The following CDC37L1 variants were observed in gnomAD, a reference collection of about 807,000 sequenced individuals.
CDC37L1 encodes hsp90 co-chaperone Cdc37-like 1.
A neutral mutation model predicts 45.9 loss-of-function variants in CDC37L1; 32 were observed. The observed-to-expected ratio is 0.70, with a 90% confidence interval of 0.53 to 0.94. The LOEUF (loss-of-function observed/expected upper bound fraction) is 0.94. Ranked by LOEUF, CDC37L1 falls within the 40% of genes least tolerant of loss-of-function variation. The pLI is 0.00. For synonymous variants in CDC37L1, 150 were observed against 133.0 expected, an observed-to-expected ratio of 1.13 and a Z score of -0.88; for missense variants, 434 against 405.7, an observed-to-expected ratio of 1.07 and a Z score of -0.60.
intron 3 of CDC37L1, 53 bp downstream of exon 3, chr9:4,688,659 A>C (rs1431757269): frequency 8.7e-7 from 1 of 1,147,930 alleles, no homozygotes; most frequent in Non-Finnish European, 1.2e-6. Flanking sequence ...TCATATGTAC[A>C]TGTGCAAAAA....
chr9:4,679,979 T>C, intron 1 of CDC37L1, 80 bp downstream of exon 1: 1 of 1,543,158 alleles, frequency 6.5e-7, no homozygotes, highest in South Asian at 1.2e-5. Flanking sequence ...TCCCAGACCC[T>C]CTTCTACGCC....
Position 4,688,551 on chromosome 9 carries a change from TGAA to T in CDC37L1, c.456_458del (p.Glu152del). On this transcript the variant is annotated inframe_deletion, in exon 3 of 7. Coordinates refer to ENST00000381854, the MANE Select transcript of CDC37L1 (RefSeq NM_017913.4). The stretch of plus-strand genomic sequence containing the variant: ...AAGATAAAAGAAAAGACACAGAAGA[TGAA>T]GATAAATCAGAATCATTTATGCAAA... 3.3e-6 allele frequency: 5 copies of T among 1,531,392 alleles called. No homozygotes were observed. The Admixed American group carries it at 6.3e-5, about 19-fold the overall frequency. 94.9% of individuals were successfully genotyped at this position (1,531,392 alleles called of 1,614,324 possible).
chr9:4,688,702 G>C (rs1841273699), intron 3 of CDC37L1, 96 bp downstream of exon 3: 2 of 774,538 alleles, frequency 2.6e-6, no homozygotes, highest in Non-Finnish European at 3.9e-6. Context: ...AAAAAGAAAA[G>C]TGGCAAACTC....
intron 3 of CDC37L1, among the ~76,000 whole-genome samples, chr9:4,696,805 G>A (rs1489108049): frequency 6.6e-6 from 1 of 152,206 alleles, no homozygotes; most frequent in Non-Finnish European, 1.5e-5. Context: ...ATTCATGGAT[G>A]TAGGACTTTT....
chr9:4,694,474 G>A (rs899099561), intron 3 of CDC37L1, among the ~76,000 whole-genome samples: 9 of 152,092 alleles, frequency 5.9e-5, no homozygotes, highest in Non-Finnish European at 1.3e-4. Flanking sequence ...CTAATTCAAT[G>A]TGCATTTTTG....
At position 4,701,921 on chromosome 9, in the gene CDC37L1, A is replaced by G; in HGVS notation, c.805A>G (p.Arg269Gly). The G allele has an allele frequency of 1.2e-6, 2 of 1,604,768 alleles. No homozygotes were observed. The highest frequency in any genetic ancestry group is 8.5e-7 in the Non-Finnish European group (1 of 1,176,170). Reference sequence around the variant, plus strand: ...AAATGAACTTGAAGCTTTCAAGTCAAGAGTAAGACTTTATTCTCAATCACA... The same window carrying G: ...AAATGAACTTGAAGCTTTCAAGTCAGGAGTAAGACTTTATTCTCAATCACA... ...FKNELEAFKS[R>G]VRLYSQSQSF... The change falls in exon 6 of 7, where the codon AGA becomes GGA. Residue 269 changes from arginine to glycine, a missense_variant. By Grantham distance (125) the Arg-to-Gly change is moderately radical (BLOSUM62 -2). Transcript: ENST00000381854.
At chr9:4,700,655 T>A (rs975919785) in intron 5 of CDC37L1, among the ~76,000 whole-genome samples, 9 of 152,348 alleles carry the variant, frequency 5.9e-5, no homozygotes, top group African/African-American at 2.2e-4. Flanking sequence ...ATACTTTTTT[T>A]TAAATTATGA....
chr9:4,702,888 CAA>C (rs397829063), intron 6 of CDC37L1, among the ~76,000 whole-genome samples: 29 of 42,956 alleles, frequency 6.8e-4, no homozygotes, highest in Non-Finnish European at 8.6e-4. Context: ...GACTCCGTCT[CAA>C]AAAAAAAAAA....
intron 2 of CDC37L1, 41 bp downstream of exon 2, chr9:4,685,199 G>T: frequency 1.3e-6 from 2 of 1,502,428 alleles, no homozygotes; most frequent in South Asian, 2.3e-5. Flanking sequence ...AAGAAAAACT[G>T]AAGTGTTTGT....
At chr9:4,705,105 C>A (rs1841430378) in intron 6 of CDC37L1, among the ~76,000 whole-genome samples, 1 of 152,086 alleles carries the variant, frequency 6.6e-6, no homozygotes, top group East Asian at 1.9e-4. Flanking sequence ...TTTAGAAAAC[C>A]CTGCCTCCCA....
At position 4,695,859 on chromosome 9, in the gene CDC37L1, C is replaced by T. The variant is rs922207838; in HGVS notation, c.509-1237C>T. On this transcript the variant is annotated intron_variant, in intron 3 of 6. Coordinates refer to ENST00000381854, the MANE Select transcript of CDC37L1 (RefSeq NM_017913.4). ...AGGCTGGAGTGCTGTGGTGCAATCT[C>T]GGCTCGCTGCAACCTCCGCCTCCTG... Among the ~76,000 whole-genome samples, 9 of 152,292 alleles carry T rather than the reference C, an allele frequency of 5.9e-5. No homozygotes were observed. In the South Asian group the frequency reaches 6.2e-4, roughly 11 times the overall value.
At chr9:4,685,416 T>C (rs1436501093) in intron 2 of CDC37L1, 1 of 311,322 alleles carries the variant, frequency 3.2e-6, no homozygotes, top group Non-Finnish European at 6.0e-6. Flanking sequence ...ATATTACATA[T>C]ATTAAAAAAC....
At chr9:4,697,070 T>G in intron 3 of CDC37L1, 26 bp from the exon 4 acceptor site, 1 of 970,596 alleles carries the variant, frequency 1.0e-6, no homozygotes, top group Non-Finnish European at 1.6e-6. Context: ...TATTTGACAC[T>G]TATGGTTCAA....
At chr9:4,685,511 G>T in intron 2 of CDC37L1, 1 of 171,978 alleles carries the variant, frequency 5.8e-6, no homozygotes, top group Admixed American at 5.6e-5. Context: ...CCCCTACACT[G>T]ATTATCACTA....
At chr9:4,694,241 G>A (rs181840731) in intron 3 of CDC37L1, among the ~76,000 whole-genome samples, 7 of 152,202 alleles carry the variant, frequency 4.6e-5, no homozygotes, top group Admixed American at 3.3e-4. Context: ...CGCCATGCCT[G>A]GCTAATTATC....
chr9:4,697,866 T>C lies in CDC37L1; in HGVS notation c.734T>C (p.Phe245Ser). ...VDPRGCFRLF[F>S]QKAKAEEEGY... ...CCAAGAGGGTGTTTTCGTTTATTTT[T>C]CCAGAAAGCCAAAGTAAGTAGTTAT... The change falls in exon 5 of 7, where the codon TTC becomes TCC. Residue 245 changes from phenylalanine (F) to serine (S), a missense_variant. Transcript: ENST00000381854. 3 of 1,613,394 alleles carry C rather than the reference T, an allele frequency of 1.9e-6. No homozygotes were observed. The highest frequency in any genetic ancestry group is 2.5e-6 in the Non-Finnish European group (3 of 1,179,638).
intron 2 of CDC37L1, among the ~76,000 whole-genome samples, chr9:4,687,918 G>A (rs558432699): frequency 6.6e-6 from 1 of 152,168 alleles, no homozygotes; most frequent in East Asian, 1.9e-4. Context: ...GCTTTTAATT[G>A]GGAAATTCAG....
At chr9:4,686,108 T>G (rs1046761566) in intron 2 of CDC37L1, among the ~76,000 whole-genome samples, 1 of 152,118 alleles carries the variant, frequency 6.6e-6, no homozygotes, top group African/African-American at 2.4e-5. Context: ...GAGGTAGAGG[T>G]TGCAGTGAAC....
intron 6 of CDC37L1, among the ~76,000 whole-genome samples, chr9:4,704,420 G>A (rs1331191): frequency 0.6 from 91,748 of 152,108 alleles, 29,270 homozygotes; most frequent in African/African-American, 0.81. Context: ...AAATCTAAGT[G>A]TAGGTTAGGT....
Sources: gnomAD v4.1 joint callset for allele counts (sites outside exome capture counted in the v4.1 genomes callset) on GRCh38, gnomAD v4.1.1 for gene constraint, MANE v1.5 for transcripts, NCBI Gene and HGNC (gene_info 2026-07-23, HGNC 2026-07-21) for gene names.